ITGA2: variants seen among roughly 807,000 people sequenced by gnomAD.
ITGA2 encodes the protein integrin alpha-2.
A neutral mutation model predicts 146.3 loss-of-function variants in ITGA2; 101 were observed. That is an observed-to-expected ratio of 0.69 (90% CI 0.59 to 0.81). The LOEUF is 0.81. Among genes scored for constraint, ITGA2 ranks in the 40% least tolerant of loss-of-function variants. The probability of loss-of-function intolerance (pLI) is 0.00; values close to 1 mark genes in which losing one functional copy is unlikely to be tolerated. For missense variants in ITGA2, 1,281 were observed against 1,402.7 expected (o/e 0.91, Z 1.39); for synonymous variants, 477 against 487.1 (o/e 0.98, Z 0.27).
At chr5:53,039,615 C>A (rs535448939) in intron 2 of ITGA2, among the ~76,000 whole-genome samples, 2 of 151,658 alleles carry the variant, frequency 1.3e-5, no homozygotes, top group Admixed American at 1.3e-4. Flanking sequence ...TGGCGCGGGC[C>A]TGTAGTCTTA....
In ITGA2 at chr5:53,016,173, A is replaced by G. The variant is rs1192176556; in HGVS notation, c.65-10575A>G. On this transcript the variant is annotated intron_variant, in intron 1 of 29. Transcript: ENST00000296585. ...AGACTTGATTGTGTAGTTGCTTTAT[A>G]GTGTCAATGGTCTATGTACTTAAGT... is the stretch of plus-strand genomic sequence containing the variant. Among the ~76,000 whole-genome samples, 7 of 152,296 alleles carry G rather than the reference A, an allele frequency of 4.6e-5. No individual in the cohort carries two copies. In the East Asian group the frequency reaches 1.4e-3, roughly 29 times the overall value.
intron 19 of ITGA2, 99 bp from the exon 20 acceptor site, chr5:53,073,019 A>T: frequency 8.4e-7 from 1 of 1,195,688 alleles, no homozygotes; most frequent in Non-Finnish European, 1.2e-6. Context: ...ATTCTAAGTA[A>T]GTCTAAAGAG....
At chr5:53,079,943 C>T (rs988548527) in intron 24 of ITGA2, among the ~76,000 whole-genome samples, 1 of 152,072 alleles carries the variant, frequency 6.6e-6, no homozygotes, top group African/African-American at 2.4e-5. Context: ...GAAACCCCCA[C>T]CCATGAGAAC....
chr5:53,019,489 C>G (rs1247161789), intron 1 of ITGA2, among the ~76,000 whole-genome samples: 3 of 152,058 alleles, frequency 2.0e-5, no homozygotes, highest in African/African-American at 7.2e-5. Flanking sequence ...GTTATCAGAT[C>G]AACAGTCATG....
In ITGA2 at chr5:53,018,531, CT is replaced by C; in HGVS notation, c.65-8216del. 1.3e-5 allele frequency among the ~76,000 whole-genome samples: 2 copies of C among 152,012 alleles called. 1 individual carries two copies. The highest frequency in any genetic ancestry group is 4.2e-4 in the South Asian group (2 of 4,798). Reference sequence around the variant, plus strand: ...CAGCATCCGTGTCCTCCCTCATCCACTCTCAATGCCTTCCCTGCAAAGACCT... The same window carrying C: ...CAGCATCCGTGTCCTCCCTCATCCACCTCAATGCCTTCCCTGCAAAGACCT... On this transcript the variant is annotated intron_variant, in intron 1 of 29. Coordinates refer to ENST00000296585, the MANE Select transcript of ITGA2 (RefSeq NM_002203.4).
chr5:53,063,148 A>G lies in ITGA2; in HGVS notation c.1602+219A>G, dbSNP rs899359976. ...AATGTATAGTGTACTGCCATTTTCC[A>G]TGAGAGGTCTTTGAATATATAGTCT... On this transcript the variant is annotated intron_variant, in intron 13 of 29. Coordinates refer to ENST00000296585, the MANE Select transcript of ITGA2 (RefSeq NM_002203.4). Among the ~76,000 whole-genome samples, 151 of 152,022 alleles carry G rather than the reference A, an allele frequency of 9.9e-4. No individual in the cohort carries two copies. The Middle Eastern group carries it at 0.017, about 17-fold the overall frequency.
intron 1 of ITGA2, among the ~76,000 whole-genome samples, chr5:52,996,575 A>T (rs3212391): frequency 0.44 from 67,059 of 152,024 alleles, 16,442 homozygotes; most frequent in Non-Finnish European, 0.55. Flanking sequence ...GAGGTATGGA[A>T]AAAGGTACCT....
intron 1 of ITGA2, among the ~76,000 whole-genome samples, chr5:53,008,479 C>G (rs943772096): frequency 8.6e-5 from 13 of 151,728 alleles, no homozygotes; most frequent in Non-Finnish European, 1.8e-4. Flanking sequence ...CCCCCTTTGG[C>G]TTAATGGTTT....
chr5:53,051,505 C>T lies in ITGA2; in HGVS notation c.725C>T (p.Thr242Ile). ...GAAATGATTGTAGCAACATCCCAGA[C>T]ATCCCAATATGGTGGGGACCTCACA... ...KEEMIVATSQTSQYGGDLTNT... is the reference protein window; with the variant it reads ...KEEMIVATSQISQYGGDLTNT... The change falls in exon 7 of 30, where the codon ACA becomes ATA. Residue 242 changes from threonine (T) to isoleucine (I), a missense_variant. By Grantham distance (89) the Thr-to-Ile change is moderately conservative. Transcript: ENST00000296585. 6.2e-7 allele frequency: 1 copy of T among 1,613,662 alleles called. No individual in the cohort carries two copies. The highest frequency in any genetic ancestry group is 8.5e-7 in the Non-Finnish European group (1 of 1,179,740).
chr5:53,028,877 G>C, intron 2 of ITGA2, among the ~76,000 whole-genome samples: 1 of 152,180 alleles, frequency 6.6e-6, no homozygotes, highest in East Asian at 1.9e-4. Flanking sequence ...GCCAACACCA[G>C]CTCTTACAGG....
rs1429565727 is a variant in ITGA2 at position 53,090,597 on chromosome 5, T to C, written c.3544T>C (p.Ter1182ArgextTer21). The C allele has an allele frequency of 6.2e-7, 1 of 1,613,548 alleles. No individual in the cohort carries two copies. The highest frequency in any genetic ancestry group is 8.5e-7 in the Non-Finnish European group (1 of 1,179,494). The change falls in exon 30 of 30, where the codon TGA (stop) becomes CGA (arginine). Residue 1182 changes from the stop codon to arginine, a stop_lost. Coordinates refer to ENST00000296585, the MANE Select transcript of ITGA2 (RefSeq NM_002203.4). ...EIDETTELSS[*>R] ...TGATGAGACCACAGAGCTCAGTAGC[T>C]GAACCAGCAGACCTACCTGCAGTGG...
intron 2 of ITGA2, among the ~76,000 whole-genome samples, chr5:53,030,237 A>T (rs1185791705): frequency 6.6e-6 from 1 of 152,200 alleles, no homozygotes; most frequent in Non-Finnish European, 1.5e-5. Context: ...AGACAAGTAT[A>T]TTTGTAGTTT....
At chr5:53,001,481 CCA>C (rs1741581917) in intron 1 of ITGA2, among the ~76,000 whole-genome samples, 1 of 152,078 alleles carries the variant, frequency 6.6e-6, no homozygotes, top group Admixed American at 6.6e-5. Context: ...ATCAGATACC[CCA>C]CTTTTGACAG....
chr5:53,052,823 C>T (rs1744441074), intron 7 of ITGA2, among the ~76,000 whole-genome samples: 1 of 152,184 alleles, frequency 6.6e-6, no homozygotes. Context: ...AGAGCCCTCT[C>T]TTCTTTACTG....
At chr5:52,995,085 G>T (rs767309118) in intron 1 of ITGA2, among the ~76,000 whole-genome samples, 6 of 152,178 alleles carry the variant, frequency 3.9e-5, no homozygotes, top group Non-Finnish European at 5.9e-5. Context: ...TTAGGTTCTT[G>T]AATAGAATAC....
At chr5:52,990,264 C>T (rs1274968597) in intron 1 of ITGA2, 1 of 152,446 alleles carries the variant, frequency 6.6e-6, no homozygotes, top group African/African-American at 2.4e-5. Flanking sequence ...ACTTCTGGAT[C>T]CTAGATGCCG....
chr5:53,082,332 G>C (rs964669451), intron 26 of ITGA2, among the ~76,000 whole-genome samples: 1 of 152,032 alleles, frequency 6.6e-6, no homozygotes, highest in Non-Finnish European at 1.5e-5. Flanking sequence ...GAATTCTCCT[G>C]GTTTTCTTTA....
rs1389917817 is a variant in ITGA2 at position 53,092,637 on chromosome 5, A to AG, written c.*2038_*2039insG. The stretch of plus-strand genomic sequence containing the variant: ...CAAAATTTTATTTAAAAAAAAAAAA[A>AG]AAAGACTGGAGAAACTAGTCATTAG... On this transcript the variant is annotated 3_prime_UTR_variant, in exon 30 of 30. Coordinates refer to ENST00000296585, the MANE Select transcript of ITGA2 (RefSeq NM_002203.4). 6.6e-6 allele frequency: 1 copy of AG among 152,012 alleles called. No individual in the cohort carries two copies. The allele number at this position is 152,012 out of a possible 1,614,324, so 9.4% of individuals were successfully genotyped here. A position where few individuals can be genotyped will look rare whatever the true frequency, so the allele number is the denominator to read the frequency against.
intron 15 of ITGA2, 26 bp downstream of exon 15, chr5:53,066,003 A>G: frequency 1.2e-6 from 2 of 1,609,794 alleles, no homozygotes; most frequent in Non-Finnish European, 8.5e-7. Context: ...CCAGACACAA[A>G]CTAACTAAAA....
Sources: allele counts gnomAD v4.1 joint callset (sites outside exome capture counted in the v4.1 genomes callset), GRCh38; gene constraint gnomAD v4.1.1; transcripts MANE v1.5; gene names NCBI Gene and HGNC (gene_info 2026-07-23, HGNC 2026-07-21).